DENND1A: variants seen among roughly 807,000 people sequenced by gnomAD.
The protein encoded by DENND1A is DENN domain containing 1A.
Under a neutral mutation model 113.7 loss-of-function variants are expected in DENND1A, and 51 were observed. The observed-to-expected ratio is 0.45, with a 90% confidence interval of 0.36 to 0.57. The LOEUF (loss-of-function observed/expected upper bound fraction) is 0.57. Ranked by LOEUF, DENND1A falls within the 20% of genes least tolerant of loss-of-function variation. The pLI is 0.00. For missense variants in DENND1A, 1,258 were observed against 1,395.9 expected (o/e 0.90, Z 1.57); for synonymous variants, 565 against 570.8 (o/e 0.99, Z 0.14).
intron 2 of DENND1A, chr9:123,843,555 G>T: frequency 4.8e-6 from 1 of 207,328 alleles, no homozygotes. Flanking sequence ...ACCACTGAGT[G>T]GAGAAAGACT....
At chr9:123,928,666 G>A (rs1203341553) in intron 1 of DENND1A, 1 of 985,250 alleles carries the variant, frequency 1.0e-6, no homozygotes, top group Non-Finnish European at 1.2e-6. Context: ...TACATATTTT[G>A]TAAATGAGAA....
chr9:123,670,578 C>T (rs571910839), intron 7 of DENND1A, among the ~76,000 whole-genome samples: 9 of 152,288 alleles, frequency 5.9e-5, no homozygotes, highest in Admixed American at 5.2e-4. Context: ...TATTTCAGAG[C>T]ACAGTGCAGA....
At chr9:123,709,364 C>T (rs1399446636) in intron 5 of DENND1A, among the ~76,000 whole-genome samples, 1 of 152,196 alleles carries the variant, frequency 6.6e-6, no homozygotes, top group Non-Finnish European at 1.5e-5. Context: ...AATGATCAAG[C>T]ACTGATTCTT....
chr9:123,728,244 A>G (rs557733803), intron 5 of DENND1A, among the ~76,000 whole-genome samples: 1 of 151,894 alleles, frequency 6.6e-6, no homozygotes, highest in Non-Finnish European at 1.5e-5. Context: ...TTGGGAGGCC[A>G]AGGCGGGCAG....
intron 13 of DENND1A, among the ~76,000 whole-genome samples, chr9:123,554,001 C>T (rs2057280228): frequency 6.6e-6 from 1 of 152,172 alleles, no homozygotes; most frequent in African/African-American, 2.4e-5. Context: ...TGTGATCCAC[C>T]TCTCTCGGCT....
intron 5 of DENND1A, among the ~76,000 whole-genome samples, chr9:123,730,498 T>C (rs536653492): frequency 3.3e-5 from 5 of 151,990 alleles, no homozygotes; most frequent in African/African-American, 7.2e-5. Context: ...AACAAACATA[T>C]GAAAAAAAGC....
chr9:123,672,451 G>A (rs1295968008), intron 6 of DENND1A, among the ~76,000 whole-genome samples: 1 of 152,072 alleles, frequency 6.6e-6, no homozygotes, highest in Non-Finnish European at 1.5e-5. Flanking sequence ...TTGAGAATGA[G>A]CTGCCAAGAT....
At chr9:123,610,006 CA>C (rs887604592) in intron 10 of DENND1A, among the ~76,000 whole-genome samples, 1 of 152,324 alleles carries the variant, frequency 6.6e-6, no homozygotes, top group African/African-American at 2.4e-5. Flanking sequence ...TCTGATTGGA[CA>C]AAGTACTTGG....
intron 5 of DENND1A, among the ~76,000 whole-genome samples, chr9:123,681,488 C>T (rs1224735385): frequency 6.6e-6 from 1 of 152,050 alleles, no homozygotes; most frequent in Admixed American, 6.5e-5. Flanking sequence ...AGGAAGGGGG[C>T]TGCAGCAGAG....
At chr9:123,839,084 C>T (rs779067130) in intron 2 of DENND1A, among the ~76,000 whole-genome samples, 2 of 152,156 alleles carry the variant, frequency 1.3e-5, no homozygotes, top group African/African-American at 4.8e-5. Flanking sequence ...CTGAGCCACA[C>T]GCTCGAATCG....
chr9:123,438,172 C>T (rs1051051986), intron 19 of DENND1A, among the ~76,000 whole-genome samples: 45 of 152,128 alleles, frequency 3.0e-4, no homozygotes, highest in African/African-American at 8.0e-4. Flanking sequence ...CTCTAGAAAC[C>T]GTACTTCTTA....
Position 123,685,096 on chromosome 9 carries a change from A to C in DENND1A, c.303-8307T>G, listed in dbSNP as rs2064725204. 2.0e-5 allele frequency among the ~76,000 whole-genome samples: 3 copies of C among 152,220 alleles called. No individual in the cohort carries two copies. In the South Asian group the frequency reaches 6.2e-4, roughly 32 times the overall value. On this transcript the variant is annotated intron_variant, in intron 5 of 23. Transcript: ENST00000394215. ...CATGCTCTTCCTTCCCTACATGTGA[A>C]ATGGGAATATCTACCCTCACATGGT... is the stretch of plus-strand genomic sequence containing the variant.
At chr9:123,456,948 G>A (rs999895384) in intron 15 of DENND1A, 6 of 178,182 alleles carry the variant, frequency 3.4e-5, no homozygotes, top group East Asian at 1.6e-4. Context: ...GGTGGGACAC[G>A]GTACGTACTC....
chr9:123,911,110 G>C (rs1461579574), intron 1 of DENND1A, among the ~76,000 whole-genome samples: 2 of 152,144 alleles, frequency 1.3e-5, no homozygotes, highest in African/African-American at 2.4e-5. Context: ...AACAGGAAAA[G>C]ACCTGAATAG....
At chr9:123,722,197 T>C (rs1294067004) in intron 5 of DENND1A, among the ~76,000 whole-genome samples, 2 of 152,290 alleles carry the variant, frequency 1.3e-5, no homozygotes, top group East Asian at 3.9e-4. Context: ...GCTTTAGAGA[T>C]TTGTGGAACT....
At chr9:123,630,353 G>A (rs747610665) in intron 10 of DENND1A, 23 bp downstream of exon 10, 3 of 1,552,916 alleles carry the variant, frequency 1.9e-6, no homozygotes, top group Non-Finnish European at 2.6e-6. Flanking sequence ...AGGAGAAGCA[G>A]AGGACAGGGC....
chr9:123,700,290 G>T (rs188855787), intron 5 of DENND1A, among the ~76,000 whole-genome samples: 1 of 152,198 alleles, frequency 6.6e-6, no homozygotes, highest in Admixed American at 6.5e-5. Context: ...GGAAAAAAAG[G>T]CCTGGTGGTA....
rs1317777699 is a variant in DENND1A at position 123,440,345 on chromosome 9, G to A, written c.1488+15C>T. 2.5e-6 allele frequency: 4 copies of A among 1,585,286 alleles called. No individual in the cohort carries two copies. Among genetic ancestry groups the A allele is most frequent in the Non-Finnish European group, 3.4e-6 (4 of 1,170,126 alleles). On this transcript the variant is annotated intron_variant, in intron 19 of 23. Coordinates refer to ENST00000394215, the MANE Select transcript of DENND1A (RefSeq NM_001352964.2). ...AAAAAACAAAACAGACAGGTAGGAG[G>A]GCCAGGGTACACACCTGTCCAAAGT...
At chr9:123,833,155 G>A (rs975605260) in intron 2 of DENND1A, among the ~76,000 whole-genome samples, 41 of 118,844 alleles carry the variant, frequency 3.4e-4, no homozygotes, top group Non-Finnish European at 5.4e-4. Flanking sequence ...AAAAGGAAAC[G>A]AAAGAAAAAA....
Sources: allele counts gnomAD v4.1 joint callset (sites outside exome capture counted in the v4.1 genomes callset), GRCh38; gene constraint gnomAD v4.1.1; transcripts MANE v1.5; gene names NCBI Gene and HGNC (gene_info 2026-07-23, HGNC 2026-07-21).